CPB2: variants seen among roughly 807,000 people sequenced by gnomAD.
The protein encoded by CPB2 is carboxypeptidase B-like protein.
In CPB2, 54 loss-of-function variants were observed where a neutral mutation model predicts 57.0. The observed-to-expected ratio is 0.95, with a 90% CI of 0.76 to 1.19. The LOEUF is 1.19. CPB2 is among the 50% of genes most tolerant of loss of function. CPB2 has a pLI of 0.00. For synonymous variants in CPB2, 189 were observed against 178.1 expected (o/e 1.06, Z -0.49); for missense variants, 426 against 512.0 (o/e 0.83, Z 1.62).
intron 9 of CPB2, among the ~76,000 whole-genome samples, chr13:46,056,928 G>C (rs974376967): frequency 6.6e-6 from 1 of 152,080 alleles, no homozygotes; most frequent in Non-Finnish European, 1.5e-5. Flanking sequence ...GCCATCCCTT[G>C]ATATTCTAGT....
chr13:46,086,816 G>A (rs1364960615), intron 2 of CPB2, among the ~76,000 whole-genome samples: 3 of 152,224 alleles, frequency 2.0e-5, no homozygotes, highest in African/African-American at 7.2e-5. Flanking sequence ...TCCTGTGCTC[G>A]TCAGTACCCA....
Position 46,078,902 on chromosome 13 carries a change from C to A in CPB2, c.385-1G>T. ...TTATAAATTCTATCCAAGAATAGATCTAGCAAAATGGAAACCAGAGGTTAG... is the reference window on the plus strand; with the variant it reads ...TTATAAATTCTATCCAAGAATAGATATAGCAAAATGGAAACCAGAGGTTAG... On this transcript the variant is annotated splice_acceptor_variant, in intron 4 of 10. Transcript: ENST00000181383. LOFTEE classifies it high-confidence loss of function. 2 of 1,589,828 alleles carry A rather than the reference C, an allele frequency of 1.3e-6. No individual in the cohort carries two copies. Among genetic ancestry groups the A allele is most frequent in the Non-Finnish European group, 8.6e-7 (1 of 1,158,830 alleles).
At chr13:46,086,438 G>T (rs1456543479) in intron 2 of CPB2, among the ~76,000 whole-genome samples, 1 of 152,248 alleles carries the variant, frequency 6.6e-6, no homozygotes, top group South Asian at 2.1e-4. Context: ...CCTGATGAGT[G>T]TTCGTTCTCA....
At chr13:46,085,993 G>A (rs965569116) in intron 2 of CPB2, among the ~76,000 whole-genome samples, 2 of 152,140 alleles carry the variant, frequency 1.3e-5, no homozygotes, top group African/African-American at 4.8e-5. Context: ...CACACAGCGA[G>A]GCATGCTGGC....
chr13:46,088,924 G>A lies in CPB2; in HGVS notation c.75-1104C>T, dbSNP rs532703489. On this transcript the variant is annotated intron_variant, in intron 1 of 10. Transcript: ENST00000181383. ...AATACTAATTTCTTGTCAGTTATAT[G>A]TATTGCAAATATCTTCTAGCAGTTT... is the stretch of plus-strand genomic sequence containing the variant. Among the ~76,000 whole-genome samples, 21 of 147,740 alleles carry A rather than the reference G, an allele frequency of 1.4e-4. No individual in the cohort carries two copies. In the South Asian group the frequency reaches 4.2e-3, roughly 30 times the overall value.
At chr13:46,079,950 C>T (rs1373818320) in intron 4 of CPB2, among the ~76,000 whole-genome samples, 2 of 152,184 alleles carry the variant, frequency 1.3e-5, no homozygotes, top group Admixed American at 1.3e-4. Context: ...AGAAATGTAA[C>T]TGTCAGCAAT....
At chr13:46,065,793 T>C (rs1028713111) in intron 7 of CPB2, among the ~76,000 whole-genome samples, 2 of 152,128 alleles carry the variant, frequency 1.3e-5, no homozygotes, top group African/African-American at 2.4e-5. Flanking sequence ...GCCCTGGGGA[T>C]ATCAAGTTCT....
rs923598824 is a variant in CPB2 at position 46,084,446 on chromosome 13, A to G, written c.151-103T>C. On this transcript the variant is annotated intron_variant, in intron 2 of 10. Transcript: ENST00000181383. Reference sequence around the variant, plus strand: ...CAGTTTTATCTATAAGGAGTATGAAAAGGACACTCCCTGGTGCTGGTCCCC... The same window carrying G: ...CAGTTTTATCTATAAGGAGTATGAAGAGGACACTCCCTGGTGCTGGTCCCC... 17 of 1,256,982 alleles carry G rather than the reference A, an allele frequency of 1.4e-5. No homozygotes were observed. The African/African-American group carries it at 2.4e-4, about 18-fold the overall frequency. The allele number at this position is 1,256,982 out of a possible 1,614,324, so 77.9% of individuals were successfully genotyped here.
At chr13:46,063,829 C>T (rs2044812037) in intron 8 of CPB2, among the ~76,000 whole-genome samples, 1 of 151,910 alleles carries the variant, frequency 6.6e-6, no homozygotes, top group South Asian at 2.1e-4. Flanking sequence ...ATAATAAATT[C>T]CCACTGTGCT....
chr13:46,071,565 G>A (rs2044942653), intron 6 of CPB2, among the ~76,000 whole-genome samples: 1 of 152,224 alleles, frequency 6.6e-6, no homozygotes, highest in African/African-American at 2.4e-5. Flanking sequence ...CACTCAGAAT[G>A]ATGGCAAGAG....
rs17844132 is a variant in CPB2 at position 46,058,705 on chromosome 13, C to T, written c.797-324G>A. 9.5e-3 allele frequency among the ~76,000 whole-genome samples: 1,446 copies of T among 152,284 alleles called. 12 individuals are homozygous for T. The highest frequency in any genetic ancestry group is 0.015 in the Admixed American group (228 of 15,302). ...TGGGAGAAAAAATAAACCCCACTTTCCTTAATCCACTGTAAATTTAGTTTT... is the reference window on the plus strand; with the variant it reads ...TGGGAGAAAAAATAAACCCCACTTTTCTTAATCCACTGTAAATTTAGTTTT... On this transcript the variant is annotated intron_variant, in intron 8 of 10. Transcript: ENST00000181383.
At chr13:46,054,483 G>GTAAATAA (rs1555307517) in intron 10 of CPB2, among the ~76,000 whole-genome samples, 1 of 152,154 alleles carries the variant, frequency 6.6e-6, no homozygotes, top group Non-Finnish European at 1.5e-5. Context: ...TTTGGTGAAA[G>GTAAATAA]ACATGTTAAT....
chr13:46,078,459 G>A (rs1014067901), intron 5 of CPB2, among the ~76,000 whole-genome samples: 1 of 152,052 alleles, frequency 6.6e-6, no homozygotes, highest in Non-Finnish European at 1.5e-5. Context: ...CTAGAACTGG[G>A]ATTCATCTAG....
intron 6 of CPB2, among the ~76,000 whole-genome samples, chr13:46,067,811 G>A (rs1004155535): frequency 6.6e-6 from 1 of 152,194 alleles, no homozygotes; most frequent in African/African-American, 2.4e-5. Flanking sequence ...TTTATCCCCA[G>A]ATGTGATTAC....
chr13:46,094,107 T>G (rs1413229784), intron 1 of CPB2, among the ~76,000 whole-genome samples: 1 of 152,188 alleles, frequency 6.6e-6, no homozygotes, highest in Admixed American at 6.5e-5. Context: ...CCCTCTCATC[T>G]CACCAGCACA....
At chr13:46,074,141 A>G (rs1040850107) in intron 5 of CPB2, among the ~76,000 whole-genome samples, 164 bp from the exon 6 acceptor site, 1 of 152,202 alleles carries the variant, frequency 6.6e-6, no homozygotes, top group Admixed American at 6.5e-5. Flanking sequence ...AACACTGGTG[A>G]TACTAAGTGA....
At chr13:46,089,025 A>C (rs1042189085) in intron 1 of CPB2, among the ~76,000 whole-genome samples, 1 of 150,912 alleles carries the variant, frequency 6.6e-6, no homozygotes. Flanking sequence ...GTGTGGTTTA[A>C]GATGTCTTTC....
At chr13:46,102,540 C>CAAAAAAAAA (rs10624204) in intron 1 of CPB2, among the ~76,000 whole-genome samples, 21 of 108,078 alleles carry the variant, frequency 1.9e-4, no homozygotes, top group East Asian at 3.0e-4. Context: ...ATGATTATGA[C>CAAAAAAAAA]AAAAAAAAAA....
chr13:46,082,067 C>T (rs143932255), intron 4 of CPB2, among the ~76,000 whole-genome samples: 19 of 152,246 alleles, frequency 1.2e-4, no homozygotes, highest in Middle Eastern at 6.8e-3. Flanking sequence ...GTGAGCTAAT[C>T]TGGTAATTAG....
Sources: allele counts gnomAD v4.1 joint callset (sites outside exome capture counted in the v4.1 genomes callset), GRCh38; gene constraint gnomAD v4.1.1; transcripts MANE v1.5; gene names NCBI Gene and HGNC (gene_info 2026-07-23, HGNC 2026-07-21).